The following NBAS variants were observed in gnomAD, a reference collection of about 807,000 sequenced individuals.
NBAS encodes NAG/BC035112 fusion.
Under a neutral mutation model 302.5 loss-of-function variants are expected in NBAS, and 219 were observed. That is an observed-to-expected ratio of 0.72 (90% CI 0.65 to 0.81). The LOEUF (loss-of-function observed/expected upper bound fraction) is 0.81, where lower values mean the gene tolerates loss of function less well. Among genes scored for constraint, NBAS ranks in the 30% least tolerant of loss-of-function variants. The pLI, the probability that NBAS is intolerant of heterozygous loss-of-function variation, is 0.00. For missense variants in NBAS, 2,932 were observed against 2,841.6 expected (o/e 1.03, Z -0.72); for synonymous variants, 1,118 against 1,021.6 (o/e 1.09, Z -1.80).
At chr2:14,953,211 G>A in the NBAS span, among the ~76,000 whole-genome samples, 2 of 152,156 alleles carry the variant, frequency 1.3e-5, no homozygotes, top group South Asian at 2.1e-4. Flanking sequence ...CTGCAGTGAG[G>A]ACAAAACTGG....
At chr2:15,538,219 C>A in intron 7 of NBAS, 1 of 227,918 alleles carries the variant, frequency 4.4e-6, no homozygotes. Flanking sequence ...GTATATGTGA[C>A]CAAATATAAA....
chr2:14,995,761 A>G, the NBAS span, among the ~76,000 whole-genome samples: 1 of 152,086 alleles, frequency 6.6e-6, no homozygotes, highest in South Asian at 2.1e-4. Flanking sequence ...TATGTTGCCC[A>G]GTGCAGTGGC....
the NBAS span, among the ~76,000 whole-genome samples, chr2:14,938,423 G>T: frequency 6.6e-6 from 1 of 152,190 alleles, no homozygotes; most frequent in Admixed American, 6.5e-5. Context: ...AAAATTAAAT[G>T]ATGTCAAAAC....
chr2:15,190,575 A>T (rs1665305054), intron 48 of NBAS, among the ~76,000 whole-genome samples, 172 bp from the exon 49 acceptor site: 1 of 152,240 alleles, frequency 6.6e-6, no homozygotes, highest in Non-Finnish European at 1.5e-5. Context: ...TCAATGTCAG[A>T]TTATGTTAAA....
chr2:15,418,218 CTA>C (rs1677042366), intron 23 of NBAS, among the ~76,000 whole-genome samples: 4 of 152,170 alleles, frequency 2.6e-5, no homozygotes, highest in Admixed American at 2.6e-4. Context: ...TGCTGAATAA[CTA>C]TGTTACAAAC....
the NBAS span, among the ~76,000 whole-genome samples, chr2:14,974,487 T>C: frequency 1.3e-5 from 2 of 152,214 alleles, no homozygotes; most frequent in Non-Finnish European, 2.9e-5. Context: ...CAGCCAATGT[T>C]AGAACAGAGA....
chr2:15,047,244 A>T, the NBAS span, among the ~76,000 whole-genome samples: 1 of 152,218 alleles, frequency 6.6e-6, no homozygotes, highest in East Asian at 1.9e-4. Flanking sequence ...AACAAGGGAG[A>T]AGGAGGCACA....
At chr2:14,984,532 A>T in the NBAS span, among the ~76,000 whole-genome samples, 1 of 152,240 alleles carries the variant, frequency 6.6e-6, no homozygotes, top group African/African-American at 2.4e-5. Flanking sequence ...GCGGAATTTG[A>T]AAGTCCCTCT....
At chr2:15,169,590 T>G (rs4668436) in intron 51 of NBAS, among the ~76,000 whole-genome samples, 14,511 of 152,160 alleles carry the variant, frequency 0.095, 1,187 homozygotes, top group East Asian at 0.32. Context: ...TGAGGTCAAG[T>G]GTGATACAGT....
chr2:14,993,934 A>G, the NBAS span, among the ~76,000 whole-genome samples: 1 of 152,216 alleles, frequency 6.6e-6, no homozygotes, highest in East Asian at 1.9e-4. Context: ...TGACAGAGAC[A>G]TGTCCCCAGT....
At chr2:15,294,391 AT>A (rs1253960003) in intron 40 of NBAS, among the ~76,000 whole-genome samples, 5 of 152,248 alleles carry the variant, frequency 3.3e-5, no homozygotes, top group Non-Finnish European at 7.3e-5. Flanking sequence ...TCTAACTGCA[AT>A]TAGAGAGTGA....
chr2:15,454,995 T>A (rs1223917760), intron 21 of NBAS, among the ~76,000 whole-genome samples: 1 of 151,782 alleles, frequency 6.6e-6, no homozygotes, highest in South Asian at 2.1e-4. Context: ...CTCTGCCTCA[T>A]GGGTTCAAGC....
At chr2:15,029,285 A>AG in the NBAS span, among the ~76,000 whole-genome samples, 2 of 152,220 alleles carry the variant, frequency 1.3e-5, no homozygotes, top group African/African-American at 4.8e-5. Context: ...GCAGCTACAA[A>AG]TTCTAATCAA....
At chr2:15,357,505 T>C (rs1458123092) in intron 32 of NBAS, among the ~76,000 whole-genome samples, 1 of 152,166 alleles carries the variant, frequency 6.6e-6, no homozygotes, top group Non-Finnish European at 1.5e-5. Flanking sequence ...CCTGTACCTA[T>C]AGTGCAGAGT....
At chr2:15,277,179 A>T (rs1190476438) in intron 42 of NBAS, 78 bp from the exon 43 acceptor site, 2 of 1,540,704 alleles carry the variant, frequency 1.3e-6, no homozygotes, top group African/African-American at 2.8e-5. Flanking sequence ...CCAAGGAAGA[A>T]ACACTACTTC....
chr2:14,955,640 G>A, the NBAS span, among the ~76,000 whole-genome samples: 9 of 152,204 alleles, frequency 5.9e-5, no homozygotes, highest in African/African-American at 2.2e-4. Flanking sequence ...TGTACCCATA[G>A]ACCCAACACC....
intron 35 of NBAS, among the ~76,000 whole-genome samples, chr2:15,333,839 G>GT (rs1672459899): frequency 1.5e-5 from 2 of 137,532 alleles, no homozygotes; most frequent in Admixed American, 1.4e-4. Flanking sequence ...TACAGTGGAG[G>GT]TAAAAAAAAA....
At chr2:15,542,238 T>C (rs1168338952) in intron 6 of NBAS, among the ~76,000 whole-genome samples, 1 of 87,536 alleles carries the variant, frequency 1.1e-5, no homozygotes, top group Non-Finnish European at 2.6e-5. Context: ...CGTGTCTGTG[T>C]AGAAAGAAGT....
At chr2:15,165,672 G>C (rs1664000581), downstream of NBAS, among the ~76,000 whole-genome samples, 1 of 148,346 alleles carries the variant, frequency 6.7e-6, no homozygotes, top group East Asian at 2.0e-4. Context: ...GGTGGGAGTG[G>C]GGTGGACAGG....
Sources: allele counts gnomAD v4.1 joint callset (sites outside exome capture counted in the v4.1 genomes callset), GRCh38; gene constraint gnomAD v4.1.1; transcripts MANE v1.5; gene names NCBI Gene and HGNC (gene_info 2026-07-23, HGNC 2026-07-21).